The following DUT variants were observed in gnomAD, a reference collection of about 807,000 sequenced individuals.
The protein encoded by DUT is deoxyuridine triphosphatase, also known as deoxyuridine 5'-triphosphate nucleotidohydrolase, mitochondrial.
DUT carries 21 observed loss-of-function variants against 28.8 expected under a neutral mutation model. That is an observed-to-expected ratio of 0.73 (90% confidence interval 0.52 to 1.05). The LOEUF (loss-of-function observed/expected upper bound fraction) is 1.05. Ranked by LOEUF, DUT falls within the 50% of genes least tolerant of loss-of-function variation. The pLI is 0.00. For missense variants in DUT, 344 were observed against 351.8 expected, an observed-to-expected ratio of 0.98 and a Z score of 0.18; for synonymous variants, 147 against 143.7, an observed-to-expected ratio of 1.02 and a Z score of -0.17.
chr15:48,339,676 A>G (rs1338121322), intron 4 of DUT, among the ~76,000 whole-genome samples: 1 of 152,176 alleles, frequency 6.6e-6, no homozygotes, highest in African/African-American at 2.4e-5. Flanking sequence ...GGAATTGGTC[A>G]AGTTCAATAA....
chr15:48,333,402 T>A (rs931049555), intron 2 of DUT, among the ~76,000 whole-genome samples: 1 of 152,184 alleles, frequency 6.6e-6, no homozygotes, highest in African/African-American at 2.4e-5. Flanking sequence ...TGGAGCACTT[T>A]CTTGAGTCCT....
chr15:48,336,726 C>G (rs1451888968), intron 4 of DUT, among the ~76,000 whole-genome samples: 1 of 152,174 alleles, frequency 6.6e-6, no homozygotes, highest in Admixed American at 6.5e-5. Context: ...CATACTGACC[C>G]TTTATCCCAT....
At chr15:48,336,605 T>C (rs28381118) in intron 4 of DUT, among the ~76,000 whole-genome samples, 218 of 152,338 alleles carry the variant, frequency 1.4e-3, no homozygotes, top group African/African-American at 4.8e-3. Context: ...CTAACTACTC[T>C]TGATACAGAG....
intron 4 of DUT, among the ~76,000 whole-genome samples, chr15:48,337,535 C>T (rs2042488560): frequency 6.6e-6 from 1 of 152,150 alleles, no homozygotes; most frequent in Admixed American, 6.6e-5. Context: ...TAATATAGTA[C>T]TTGGCACATA....
intron 2 of DUT, chr15:48,332,742 G>C (rs1190713898): frequency 1.1e-5 from 6 of 542,728 alleles, no homozygotes; most frequent in Non-Finnish European, 2.1e-5. Flanking sequence ...ACCAAGGTGA[G>C]AGCCTAGATG....
intron 4 of DUT, among the ~76,000 whole-genome samples, chr15:48,340,412 A>C (rs2042521107): frequency 6.6e-6 from 1 of 152,182 alleles, no homozygotes; most frequent in South Asian, 2.1e-4. Context: ...GAATTGTAAC[A>C]CTTCAAATGG....
Position 48,331,505 on chromosome 15 carries a change from C to T in DUT, c.-11C>T. The T allele has an allele frequency of 1.9e-6, 3 of 1,611,632 alleles. No individual in the cohort carries two copies. Among genetic ancestry groups the T allele is most frequent in the Non-Finnish European group, 2.5e-6 (3 of 1,179,426 alleles). On this transcript the variant is annotated 5_prime_UTR_variant, in exon 1 of 7. Coordinates refer to ENST00000331200, the MANE Select transcript of DUT (RefSeq NM_001025248.2). ...GTGCCGAGGACCCAACCAGCCCAAA[C>T]TCTGGGGGAAATGACTCCCCTCTGC... is the stretch of plus-strand genomic sequence containing the variant.
rs1378002391 is a variant in DUT, at chr15:48,332,278, C to T, written c.291C>T (p.Ala97=). ...TGCCCTGCTCTGAAGAGACACCCGC[C>T]ATTTCACCCAGTAAGCGGGCCCGGC... The part of the protein sequence containing the change: ...GSPAPGPETP[A]ISPSKRARPA... Residue 97 remains alanine, a synonymous_variant, in exon 2 of 7, where the codon GCC becomes GCT. Transcript: ENST00000331200. 1.2e-6 allele frequency: 2 copies of T among 1,608,990 alleles called. No homozygotes were observed. Among genetic ancestry groups the T allele is most frequent in the Admixed American group, 1.7e-5 (1 of 59,688 alleles).
chr15:48,342,742 G>T lies in DUT; in HGVS notation c.*664G>T, dbSNP rs1326654702. ...GTTTGTGAAAGACATGTAACTTGGG[G>T]ATTTGTTACTTTAGGTTTGTTCCCT... On this transcript the variant is annotated 3_prime_UTR_variant, in exon 7 of 7. Transcript: ENST00000331200. The T allele has an allele frequency of 6.6e-6, 1 of 152,152 alleles. No homozygotes were observed. Among genetic ancestry groups the T allele is most frequent in the Non-Finnish European group, 1.5e-5 (1 of 68,024 alleles). 9.4% of individuals were successfully genotyped at this position (152,152 alleles called of 1,614,324 possible). A position where few individuals can be genotyped will look rare whatever the true frequency, so the allele number is the denominator to read the frequency against.
rs997489065 is a variant in DUT, at chr15:48,331,995, C to G, written c.280+200C>G. On this transcript the variant is annotated intron_variant, in intron 1 of 6. Transcript: ENST00000331200. ...CTAGAAGCTCCCCTTCAAAGTTGGCCCCACGCGCTGAATGTGGAAAGTTGA... is the reference window on the plus strand; with the variant it reads ...CTAGAAGCTCCCCTTCAAAGTTGGCGCCACGCGCTGAATGTGGAAAGTTGA... 2.0e-5 allele frequency: 18 copies of G among 902,828 alleles called. No individual in the cohort carries two copies. The Admixed American group carries it at 4.5e-4, about 23-fold the overall frequency. 55.9% of individuals were successfully genotyped at this position (902,828 alleles called of 1,614,324 possible).
chr15:48,336,594 G>A (rs2042477955), intron 4 of DUT, among the ~76,000 whole-genome samples: 1 of 152,110 alleles, frequency 6.6e-6, no homozygotes, highest in Admixed American at 6.5e-5. Flanking sequence ...AGTGTCCTCT[G>A]CTAACTACTC....
rs2042539087 is a variant in DUT at position 48,341,820 on chromosome 15, T to A, written c.703-202T>A. The stretch of plus-strand genomic sequence containing the variant: ...TTAAACATACTGTGAACTTCTAATA[T>A]TTTATTAGAATTTTTTAAAGTTATC... On this transcript the variant is annotated intron_variant, in intron 6 of 6. Coordinates refer to ENST00000331200, the MANE Select transcript of DUT (RefSeq NM_001025248.2). 6.2e-5 allele frequency: 35 copies of A among 567,164 alleles called. No individual in the cohort carries two copies. In the South Asian group the frequency reaches 1.0e-3, roughly 17 times the overall value. The allele number at this position is 567,164 out of a possible 1,614,324, so 35.1% of individuals were successfully genotyped here. A position where few individuals can be genotyped will look rare whatever the true frequency, so the allele number is the denominator to read the frequency against.
rs746794743 is a variant in DUT at position 48,341,584 on chromosome 15, A to G, written c.701A>G (p.Gln234Arg). ...TTTTATCCAGAAATAGAAGAAGTTCAAGTAAGTATTACAAAGGAAGATACA... is the reference window on the plus strand; with the variant it reads ...TTTTATCCAGAAATAGAAGAAGTTCGAGTAAGTATTACAAAGGAAGATACA... ...RIFYPEIEEV[Q>R]ALDDTERGSG... is the part of the protein sequence containing the mutation. Residue 234 changes from glutamine to arginine, a missense_variant and splice_region_variant, in exon 6 of 7, where the codon CAA becomes CGA. Coordinates refer to ENST00000331200, the MANE Select transcript of DUT (RefSeq NM_001025248.2). The G allele has an allele frequency of 1.2e-6, 2 of 1,609,554 alleles. No individual in the cohort carries two copies. Among genetic ancestry groups the G allele is most frequent in the East Asian group, 2.2e-5 (1 of 44,766 alleles).
At chr15:48,339,237 GAT>G (rs1254498217) in intron 4 of DUT, among the ~76,000 whole-genome samples, 1 of 152,120 alleles carries the variant, frequency 6.6e-6, no homozygotes, top group African/African-American at 2.4e-5. Context: ...TAGTATGTAA[GAT>G]ATATTTCTGT....
upstream of DUT, chr15:48,331,177 G>A: frequency 6.6e-7 from 1 of 1,516,632 alleles, no homozygotes; most frequent in Non-Finnish European, 8.8e-7. Flanking sequence ...ATGGCTGCGG[G>A]CGGTGCCGCC....
At chr15:48,341,894 A>G (rs957483575) in intron 6 of DUT, 128 bp from the exon 7 acceptor site, 3 of 742,330 alleles carry the variant, frequency 4.0e-6, no homozygotes, top group South Asian at 3.8e-5. Flanking sequence ...TCTTTCTGTA[A>G]TCTCCCTTTT....
upstream of DUT, chr15:48,331,367 G>T (rs1360389322): frequency 1.4e-6 from 2 of 1,463,790 alleles, no homozygotes; most frequent in African/African-American, 2.9e-5. Flanking sequence ...TCCCTGGGCT[G>T]CCGGGGCACC....
intron 4 of DUT, among the ~76,000 whole-genome samples, chr15:48,338,592 C>T (rs770824402): frequency 1.3e-4 from 20 of 152,124 alleles, no homozygotes; most frequent in Non-Finnish European, 2.8e-4. Flanking sequence ...AATGAGATAG[C>T]CATTTTGTAC....
Position 48,341,572 on chromosome 15 carries a change from T to C in DUT, c.689T>C (p.Ile230Thr), listed in dbSNP as rs775172651. The change falls in exon 6 of 7, where the codon ATA becomes ACA. Residue 230 changes from isoleucine to threonine, a missense_variant. By Grantham distance (89) the Ile-to-Thr change is moderately conservative (BLOSUM62 -1). Transcript: ENST00000331200. ...TGCGAACGGATTTTTTATCCAGAAA[T>C]AGAAGAAGTTCAAGTAAGTATTACA... ...LICERIFYPE[I>T]EEVQALDDTE... The C allele has an allele frequency of 1.2e-6, 2 of 1,612,156 alleles. No homozygotes were observed. The highest frequency in any genetic ancestry group is 2.2e-5 in the East Asian group (1 of 44,780).
Sources: allele counts gnomAD v4.1 joint callset (sites outside exome capture counted in the v4.1 genomes callset), GRCh38; gene constraint gnomAD v4.1.1; transcripts MANE v1.5; gene names NCBI Gene and HGNC (gene_info 2026-07-23, HGNC 2026-07-21).